NOC3L: variants seen among roughly 807,000 people sequenced by gnomAD.
NOC3L encodes NOC3 like DNA replication regulator.
Under a neutral mutation model 102.5 loss-of-function variants are expected in NOC3L, and 85 were observed. The ratio of observed to expected loss-of-function variants is 0.83; its 90% confidence interval spans 0.70 to 0.99. The LOEUF (loss-of-function observed/expected upper bound fraction) is 0.99. Among genes scored for constraint, NOC3L ranks in the 50% least tolerant of loss-of-function variants. The probability of loss-of-function intolerance (pLI) is 0.00; values close to 1 mark genes in which losing one functional copy is unlikely to be tolerated. For missense variants in NOC3L, 878 were observed against 914.9 expected, an observed-to-expected ratio of 0.96 and a Z score of 0.52; for synonymous variants, 303 against 309.4, an observed-to-expected ratio of 0.98 and a Z score of 0.22.
intron 2 of NOC3L, among the ~76,000 whole-genome samples, chr10:94,358,805 A>G (rs1228452497): frequency 6.6e-6 from 1 of 152,082 alleles, no homozygotes; most frequent in Non-Finnish European, 1.5e-5. Flanking sequence ...TCCACTTTCT[A>G]TCTACCTGTG....
intron 14 of NOC3L, among the ~76,000 whole-genome samples, chr10:94,341,303 G>C (rs1004443931): frequency 6.6e-6 from 1 of 151,780 alleles, no homozygotes; most frequent in Non-Finnish European, 1.5e-5. Flanking sequence ...AATTTGAATG[G>C]TTGTCACATA....
chr10:94,327,688 C>T, the NOC3L span, among the ~76,000 whole-genome samples: 1 of 152,068 alleles, frequency 6.6e-6, no homozygotes, highest in Non-Finnish European at 1.5e-5. Flanking sequence ...GAAGGAATTC[C>T]ACCTTTTCTT....
At position 94,342,434 on chromosome 10, in the gene NOC3L, T is replaced by C. The variant is rs553266127; in HGVS notation, c.1572-689A>G. ...TTAGAAGAATAAAAGACCTTATGAG[T>C]GACATATTCCATGCATATCGGTACA... On this transcript the variant is annotated intron_variant, in intron 13 of 20. Coordinates refer to ENST00000371361, the MANE Select transcript of NOC3L (RefSeq NM_022451.11). Among the ~76,000 whole-genome samples the C allele has an allele frequency of 3.9e-5, 6 of 152,204 alleles. No homozygotes were observed. In the East Asian group the frequency reaches 1.2e-3, roughly 29 times the overall value.
rs759218090 is a variant in NOC3L at position 94,356,573 on chromosome 10, T to C, written c.527A>G (p.Asp176Gly). Residue 176 changes from aspartate (D) to glycine (G), a missense_variant, in exon 5 of 21, where the codon GAT (aspartate) becomes GGT (glycine). Transcript: ENST00000371361. ...CCTCTCTTCTTCTTGATCCTCTTCATCTTTGTTACTATCAGTAACTATATG... is the reference window on the plus strand; with the variant it reads ...CCTCTCTTCTTCTTGATCCTCTTCACCTTTGTTACTATCAGTAACTATATG... ...REKPVTDSNK[D>G]EEDQEEEREL... 292 of 1,570,976 alleles carry C rather than the reference T, an allele frequency of 1.9e-4. No individual in the cohort carries two copies. Among genetic ancestry groups the C allele is most frequent in the Non-Finnish European group, 2.4e-4 (278 of 1,142,082 alleles).
chr10:94,351,093 G>A (rs2054411010), intron 8 of NOC3L, among the ~76,000 whole-genome samples: 1 of 151,980 alleles, frequency 6.6e-6, no homozygotes, highest in Non-Finnish European at 1.5e-5. Flanking sequence ...AGAGATGGTT[G>A]CACAAAGATC....
At chr10:94,341,162 G>A (rs114462055) in intron 14 of NOC3L, among the ~76,000 whole-genome samples, 137 of 151,690 alleles carry the variant, frequency 9.0e-4, no homozygotes, top group African/African-American at 3.1e-3. Flanking sequence ...AACTGAGTGA[G>A]ACCCTATCTC....
the NOC3L span, among the ~76,000 whole-genome samples, chr10:94,316,356 G>A: frequency 3.3e-5 from 5 of 152,230 alleles, no homozygotes; most frequent in Admixed American, 1.3e-4. Flanking sequence ...AAGTTGTGCC[G>A]TTGCCCGGAG....
intron 8 of NOC3L, among the ~76,000 whole-genome samples, chr10:94,351,442 AGT>A (rs952389094): frequency 6.6e-6 from 1 of 152,212 alleles, no homozygotes; most frequent in Admixed American, 6.5e-5. Flanking sequence ...TTTTCTGAAG[AGT>A]TTAAGAGTTT....
intron 19 of NOC3L, 45 bp from the exon 20 acceptor site, chr10:94,334,763 G>A (rs1339211916): frequency 7.9e-7 from 1 of 1,268,760 alleles, no homozygotes; most frequent in South Asian, 1.2e-5. Flanking sequence ...CCACATCTGT[G>A]TAACTCAAAA....
chr10:94,325,548 TCA>T, the NOC3L span: 1 of 163,484 alleles, frequency 6.1e-6, no homozygotes, highest in African/African-American at 2.5e-5. Flanking sequence ...TGAGCTGAGA[TCA>T]CACCATTGCA....
intron 16 of NOC3L, 54 bp from the exon 17 acceptor site, chr10:94,339,974 A>C: frequency 7.0e-7 from 1 of 1,428,822 alleles, no homozygotes; most frequent in Non-Finnish European, 9.6e-7. Flanking sequence ...TTCATTACGC[A>C]ACTGGACTGA....
chr10:94,361,725 C>T lies in NOC3L; in HGVS notation c.157G>A (p.Val53Met), dbSNP rs1161686953. 2 of 1,599,642 alleles carry T rather than the reference C, an allele frequency of 1.3e-6. No homozygotes were observed. The highest frequency in any genetic ancestry group is 4.6e-5 in the East Asian group (2 of 43,370). ...RKEQRKLRQA[V>M]KDAVSKKPIP... ...GGTTTCTTAGACACAGCATCTTTCA[C>T]AGCTTGCCTTAGTTTCCTCTGTTCT... is the stretch of plus-strand genomic sequence containing the variant. The change falls in exon 2 of 21, where the codon GTG becomes ATG. Residue 53 changes from valine (V) to methionine (M), a missense_variant. Transcript: ENST00000371361.
chr10:94,317,302 C>A, the NOC3L span, among the ~76,000 whole-genome samples: 9 of 152,006 alleles, frequency 5.9e-5, no homozygotes, highest in Non-Finnish European at 1.3e-4. Context: ...TAAACTATTC[C>A]ATTTTAAAAA....
Position 94,339,776 on chromosome 10 carries a change from C to T in NOC3L, c.1925G>A (p.Ser642Asn), listed in dbSNP as rs771225645. 5 of 1,613,876 alleles carry T rather than the reference C, an allele frequency of 3.1e-6. No individual in the cohort carries two copies. The Admixed American group carries it at 5.0e-5, about 16-fold the overall frequency. Residue 642 changes from serine to asparagine, a missense_variant, in exon 17 of 21, where the codon AGT (serine) becomes AAT (asparagine). Transcript: ENST00000371361. The stretch of plus-strand genomic sequence containing the variant: ...TCTGGTAGTTGCTAAAATGCCAATA[C>T]TTGAATTTGGAAGAACATGAAGAGC... ...TLALHVLPNS[S>N]IGILATTRIL...
chr10:94,350,323 T>C, intron 8 of NOC3L, 35 bp from the exon 9 acceptor site: 3 of 1,586,196 alleles, frequency 1.9e-6, no homozygotes, highest in South Asian at 1.1e-5. Context: ...CTTTACTCAT[T>C]GGTCAAAAGT....
chr10:94,339,529 T>C (rs992886572), intron 17 of NOC3L, among the ~76,000 whole-genome samples: 2 of 152,198 alleles, frequency 1.3e-5, no homozygotes, highest in Admixed American at 6.5e-5. Context: ...AAATGGTAAA[T>C]GGATACCCAC....
chr10:94,337,938 CA>C (rs2054241939), intron 18 of NOC3L, 64 bp from the exon 19 acceptor site: 1 of 1,205,060 alleles, frequency 8.3e-7, no homozygotes, highest in Admixed American at 1.9e-5. Flanking sequence ...ACACTAGCCA[CA>C]GCAAAGATTT....
At chr10:94,350,620 A>T (rs2054403581) in intron 8 of NOC3L, among the ~76,000 whole-genome samples, 1 of 150,028 alleles carries the variant, frequency 6.7e-6, no homozygotes, top group Admixed American at 6.7e-5. Context: ...CAGGAGGCTG[A>T]GGCAGGGGAA....
At chr10:94,334,761 G>T in intron 19 of NOC3L, 43 bp from the exon 20 acceptor site, 1 of 1,270,726 alleles carries the variant, frequency 7.9e-7, no homozygotes, top group Non-Finnish European at 1.1e-6. Context: ...CACCACATCT[G>T]TGTAACTCAA....
Sources: allele counts gnomAD v4.1 joint callset (sites outside exome capture counted in the v4.1 genomes callset), GRCh38; gene constraint gnomAD v4.1.1; transcripts MANE v1.5; gene names NCBI Gene and HGNC (gene_info 2026-07-23, HGNC 2026-07-21).